TANC2: variants seen among roughly 807,000 people sequenced by gnomAD.
The protein encoded by TANC2 is tetratricopeptide repeat, ankyrin repeat and coiled-coil containing 2.
Under a neutral mutation model 210.5 loss-of-function variants are expected in TANC2, and 26 were observed. The observed-to-expected ratio is 0.12, with a 90% CI of 0.09 to 0.17. The LOEUF is 0.17. Among genes scored for constraint, TANC2 ranks in the 10% least tolerant of loss-of-function variants. The probability of loss-of-function intolerance (pLI) is 1.00; values close to 1 mark genes in which losing one functional copy is unlikely to be tolerated. For synonymous variants in TANC2, 931 were observed against 967.1 expected, an observed-to-expected ratio of 0.96 and a Z score of 0.69; for missense variants, 2,129 against 2,608.9, an observed-to-expected ratio of 0.82 and a Z score of 4.01.
chr17:62,977,714 C>T (rs2032086983), intron 1 of TANC2, among the ~76,000 whole-genome samples: 1 of 151,860 alleles, frequency 6.6e-6, no homozygotes, highest in African/African-American at 2.4e-5. Context: ...AAAAGTAATA[C>T]ATCTGCTTGC....
chr17:63,193,938 C>T, intron 5 of TANC2, 53 bp from the exon 6 acceptor site: 1 of 1,545,140 alleles, frequency 6.5e-7, no homozygotes, highest in Admixed American at 2.0e-5. Context: ...AGTTGCAGAA[C>T]TAGACCATTT....
chr17:63,183,742 G>T (rs920767883), intron 5 of TANC2, among the ~76,000 whole-genome samples: 11 of 152,176 alleles, frequency 7.2e-5, no homozygotes, highest in African/African-American at 1.4e-4. Context: ...TGCAGGCTGG[G>T]CGCGGTGGCT....
chr17:63,112,425 C>A (rs2038086122), intron 4 of TANC2, among the ~76,000 whole-genome samples: 1 of 152,130 alleles, frequency 6.6e-6, no homozygotes, highest in Non-Finnish European at 1.5e-5. Context: ...AGAAAAATGT[C>A]TAACATTGAG....
At chr17:63,141,552 C>T (rs758661706) in intron 4 of TANC2, among the ~76,000 whole-genome samples, 2 of 150,450 alleles carry the variant, frequency 1.3e-5, no homozygotes, top group East Asian at 1.9e-4. Context: ...GGTGACAGAG[C>T]GAGACTCTGT....
chr17:63,338,138 A>G (rs988550839), intron 11 of TANC2, among the ~76,000 whole-genome samples: 1 of 152,212 alleles, frequency 6.6e-6, no homozygotes, highest in Non-Finnish European at 1.5e-5. Flanking sequence ...TATACCCAGT[A>G]ATGGGATTGC....
At position 63,315,806 on chromosome 17, in the gene TANC2, G is replaced by A. The variant is rs575005977; in HGVS notation, c.1441+1137G>A. Reference sequence around the variant, plus strand: ...CCTTGTATCATTAAGGAGGCAGATGGCCTCTGATAAACTTATGGATGTCTA... The same window carrying A: ...CCTTGTATCATTAAGGAGGCAGATGACCTCTGATAAACTTATGGATGTCTA... On this transcript the variant is annotated intron_variant, in intron 10 of 27. Transcript: ENST00000689528. Among the ~76,000 whole-genome samples, 5 of 152,296 alleles carry A rather than the reference G, an allele frequency of 3.3e-5. No homozygotes were observed. The South Asian group carries it at 1.0e-3, about 32-fold the overall frequency.
chr17:63,076,833 T>C (rs2036587916), intron 3 of TANC2, among the ~76,000 whole-genome samples: 1 of 152,006 alleles, frequency 6.6e-6, no homozygotes, highest in African/African-American at 2.4e-5. Flanking sequence ...ACTAATGTGC[T>C]GAAAGAAACT....
chr17:62,989,924 CCA>C (rs2032773158), intron 1 of TANC2, among the ~76,000 whole-genome samples: 1 of 151,914 alleles, frequency 6.6e-6, no homozygotes, highest in African/African-American at 2.4e-5. Context: ...GTGCGCACCG[CCA>C]CACCTGGCTA....
At chr17:63,331,041 A>T (rs1411806110) in intron 11 of TANC2, among the ~76,000 whole-genome samples, 1 of 152,116 alleles carries the variant, frequency 6.6e-6, no homozygotes, top group East Asian at 1.9e-4. Context: ...ACACCATTGC[A>T]CTCCAGCCTG....
At chr17:63,119,142 T>G (rs1421675278) in intron 4 of TANC2, among the ~76,000 whole-genome samples, 1 of 152,160 alleles carries the variant, frequency 6.6e-6, no homozygotes, top group Admixed American at 6.5e-5. Flanking sequence ...CCTAGGCTGA[T>G]CTCAAACTTG....
At chr17:63,068,039 G>C (rs1331828294) in intron 2 of TANC2, among the ~76,000 whole-genome samples, 3 of 152,126 alleles carry the variant, frequency 2.0e-5, no homozygotes, top group Admixed American at 6.5e-5. Flanking sequence ...GAAGACTAAA[G>C]ATGAAGAAAA....
chr17:63,248,195 ACTTTC>A (rs2042967050), intron 8 of TANC2, among the ~76,000 whole-genome samples: 1 of 151,826 alleles, frequency 6.6e-6, no homozygotes, highest in Non-Finnish European at 1.5e-5. Flanking sequence ...AGATACACAT[ACTTTC>A]CTTTCCTTTC....
chr17:62,996,409 C>CA (rs558270036), intron 1 of TANC2, among the ~76,000 whole-genome samples: 16 of 152,156 alleles, frequency 1.1e-4, no homozygotes, highest in Admixed American at 2.6e-4. Context: ...GCTGTGTGTT[C>CA]AAATAAGGCA....
At chr17:63,082,789 G>C (rs979618571) in intron 3 of TANC2, among the ~76,000 whole-genome samples, 1 of 152,094 alleles carries the variant, frequency 6.6e-6, no homozygotes, top group Admixed American at 6.5e-5. Context: ...AGAGTGGCTG[G>C]TTAGGCCATT....
exon 28 of TANC2, chr17:63,422,079 C>A: frequency 1.6e-6 from 2 of 1,259,728 alleles, no homozygotes; most frequent in South Asian, 1.6e-5. Context: ...TCAGAGGTGG[C>A]AGCCCACATG....
At chr17:63,209,019 T>A (rs997523094) in intron 7 of TANC2, among the ~76,000 whole-genome samples, 1 of 152,042 alleles carries the variant, frequency 6.6e-6, no homozygotes, top group Non-Finnish European at 1.5e-5. Flanking sequence ...TTTTTTTCAA[T>A]TTTTTTGAGA....
rs2143142984 is a variant in TANC2 at position 62,966,878 on chromosome 17, T to A, written c.-24+129T>A. 6.6e-6 allele frequency: 1 copy of A among 152,348 alleles called. No individual in the cohort carries two copies. Among genetic ancestry groups the A allele is most frequent in the Middle Eastern group, 3.4e-3 (1 of 294 alleles). The allele number at this position is 152,348 out of a possible 1,614,324, so 9.4% of individuals were successfully genotyped here. A position where few individuals can be genotyped will look rare whatever the true frequency, so the allele number is the denominator to read the frequency against. ...ACGGCGAAATGGGCAGCGAAGTGCC[T>A]CGGTGTCCAAGGCGTGGGGAAGGCT... On this transcript the variant is annotated intron_variant, in intron 1 of 27. Coordinates refer to ENST00000689528, the Ensembl canonical transcript of TANC2. The surrounding 1 kb of genome is among the most constrained non-coding windows in gnomAD (Gnocchi z 5.1).
rs567961427 is a variant in TANC2 at position 62,988,555 on chromosome 17, A to C, written c.-23-20982A>C. On this transcript the variant is annotated intron_variant, in intron 1 of 27. Coordinates refer to ENST00000689528, the Ensembl canonical transcript of TANC2. ...TTGGGATTAGTAATGGCATTCATGCAAGAATGGTGTATGAAGTTTATGAAG... is the reference window on the plus strand; with the variant it reads ...TTGGGATTAGTAATGGCATTCATGCCAGAATGGTGTATGAAGTTTATGAAG... 3.9e-5 allele frequency among the ~76,000 whole-genome samples: 6 copies of C among 152,292 alleles called. No homozygotes were observed. The East Asian group carries it at 7.7e-4, about 20-fold the overall frequency.
chr17:63,085,329 T>C (rs902776398), intron 3 of TANC2, among the ~76,000 whole-genome samples: 1 of 152,200 alleles, frequency 6.6e-6, no homozygotes, highest in Non-Finnish European at 1.5e-5. Flanking sequence ...ATTATTGATA[T>C]AGTTGGATTA....
Sources: allele counts gnomAD v4.1 joint callset (sites outside exome capture counted in the v4.1 genomes callset), GRCh38; gene constraint gnomAD v4.1.1; non-coding constraint Gnocchi (gnomAD v3.1); transcripts MANE v1.5; gene names NCBI Gene and HGNC (gene_info 2026-07-23, HGNC 2026-07-21).